ZNF638: variants seen among roughly 807,000 people sequenced by gnomAD.
The protein encoded by ZNF638 is zinc finger protein 638, also known as CTCL tumor antigen se33-1.
Under a neutral mutation model 195.6 loss-of-function variants are expected in ZNF638, and 46 were observed. The ratio of observed to expected loss-of-function variants is 0.24; its 90% CI spans 0.19 to 0.30. The LOEUF is 0.30. Ranked by LOEUF, ZNF638 falls within the 10% of genes least tolerant of loss-of-function variation. ZNF638 has a pLI of 1.00. For missense variants in ZNF638, 2,440 were observed against 2,325.3 expected (o/e 1.05, Z -1.01); for synonymous variants, 845 against 772.0 (o/e 1.09, Z -1.57).
chr2:71,432,765 T>C (rs1055059738), intron 26 of ZNF638, among the ~76,000 whole-genome samples: 4 of 152,266 alleles, frequency 2.6e-5, no homozygotes, highest in African/African-American at 9.6e-5. Flanking sequence ...TATTTAAGTA[T>C]ATACTGTGCT....
At chr2:71,424,596 TTAA>T in intron 22 of ZNF638, 51 bp from the exon 23 acceptor site, 4 of 1,406,658 alleles carry the variant, frequency 2.8e-6, no homozygotes, top group Non-Finnish European at 3.9e-6. Context: ...TTCCAGAACA[TTAA>T]TAATATGGTT....
chr2:71,423,858 C>A lies in ZNF638; in HGVS notation c.4344C>A (p.Gly1448=). ...GLLKPTSARS[G]LAESSSKFKP... is the part of the protein sequence containing the mutation. ...TTAAACCCACAAGTGCCAGGTCAGG[C>A]TTGGCAGAAAGCAGCAGTAAATTCA... is the stretch of plus-strand genomic sequence containing the variant. The change falls in exon 22 of 28, where the codon GGC becomes GGA. Residue 1448 remains glycine, a synonymous_variant. Transcript: ENST00000264447. 1 of 1,614,100 alleles carries A rather than the reference C, an allele frequency of 6.2e-7. No individual in the cohort carries two copies. The highest frequency in any genetic ancestry group is 1.7e-5 in the Admixed American group (1 of 60,020).
chr2:71,332,380 C>T (rs2078587776), intron 1 of ZNF638, among the ~76,000 whole-genome samples: 1 of 152,116 alleles, frequency 6.6e-6, no homozygotes, highest in Admixed American at 6.5e-5. Flanking sequence ...GTGCAAGAAG[C>T]GTGGAGAGAA....
intron 10 of ZNF638, among the ~76,000 whole-genome samples, chr2:71,391,685 C>T (rs1003864228): frequency 1.3e-5 from 2 of 152,188 alleles, no homozygotes; most frequent in African/African-American, 4.8e-5. Flanking sequence ...AACTTACATA[C>T]CTTAAATGAT....
intron 21 of ZNF638, among the ~76,000 whole-genome samples, chr2:71,421,223 A>G (rs936474654): frequency 5.3e-5 from 8 of 152,166 alleles, no homozygotes; most frequent in African/African-American, 1.9e-4. Flanking sequence ...TTTGAGAAGT[A>G]ATATTCATAT....
intron 19 of ZNF638, 126 bp from the exon 20 acceptor site, chr2:71,407,996 C>A: frequency 1.2e-6 from 1 of 831,058 alleles, no homozygotes; most frequent in Non-Finnish European, 1.8e-6. Context: ...TGTACAAATA[C>A]ATGTTTAAGT....
At position 71,349,778 on chromosome 2, in the gene ZNF638, C is replaced by T; in HGVS notation, c.824C>T (p.Pro275Leu). The change falls in exon 2 of 28, where the codon CCC becomes CTC. Residue 275 changes from proline (P) to leucine (L), a missense_variant. Around this residue, in one of 5 missense-constraint regions of ZNF638, gnomAD observed 305 missense variants for 283.6 expected, o/e 1.08. Transcript: ENST00000264447. ...GACGTATTTCGCCAAATGGACTTCC[C>T]CGGTGAGTCCTCCAATAATCGGTCC... ...VEDVFRQMDF[P>L]GESSNNRSFF... 6.2e-7 allele frequency: 1 copy of T among 1,614,132 alleles called. No homozygotes were observed. The highest frequency in any genetic ancestry group is 2.2e-5 in the East Asian group (1 of 44,870).
chr2:71,364,398 C>T (rs968361791), intron 5 of ZNF638, 146 bp downstream of exon 5: 6 of 848,496 alleles, frequency 7.1e-6, no homozygotes, highest in South Asian at 5.8e-5. Flanking sequence ...AGAGTTATTC[C>T]CTCTGGTAAC....
At chr2:71,406,036 T>C in intron 18 of ZNF638, 92 bp from the exon 19 acceptor site, 3 of 1,455,418 alleles carry the variant, frequency 2.1e-6, no homozygotes, top group South Asian at 1.3e-5. Flanking sequence ...GAACATCATC[T>C]GACCTCTGTA....
chr2:71,339,879 A>G (rs919286298), intron 1 of ZNF638, among the ~76,000 whole-genome samples: 1 of 152,186 alleles, frequency 6.6e-6, no homozygotes, highest in African/African-American at 2.4e-5. Flanking sequence ...ACCAGTGCAC[A>G]TCTGCGGGGG....
intron 22 of ZNF638, 49 bp downstream of exon 22, chr2:71,424,087 T>A: frequency 1.3e-6 from 2 of 1,570,650 alleles, no homozygotes; most frequent in Non-Finnish European, 1.7e-6. Context: ...AGTGATTAGC[T>A]CCGCTGCTGT....
rs374327567 is a variant in ZNF638 at position 71,351,879 on chromosome 2, CAG to C, written c.1317+1612_1317+1613del. Among the ~76,000 whole-genome samples, 32 of 152,252 alleles carry C rather than the reference CAG, an allele frequency of 2.1e-4. 1 individual carries two copies. Among genetic ancestry groups the C allele is most frequent in the African/African-American group, 7.5e-4 (31 of 41,554 alleles). ...ACTTGTTTGGATATGCTGTAGGGGACAGAGATTTCTGTCTTGATTTCAGGCAT... is the reference window on the plus strand; with the variant it reads ...ACTTGTTTGGATATGCTGTAGGGGACAGATTTCTGTCTTGATTTCAGGCAT... On this transcript the variant is annotated intron_variant, in intron 2 of 27. Coordinates refer to ENST00000264447, the MANE Select transcript of ZNF638 (RefSeq NM_014497.5).
intron 10 of ZNF638, chr2:71,388,613 G>T (rs746777490): frequency 1.3e-6 from 1 of 798,860 alleles, no homozygotes; most frequent in Admixed American, 1.7e-5. Context: ...TTCATCCGTC[G>T]CTCGGCCAGA....
intron 5 of ZNF638, among the ~76,000 whole-genome samples, chr2:71,364,792 A>C (rs1194514365): frequency 6.6e-6 from 1 of 152,198 alleles, no homozygotes; most frequent in Admixed American, 6.5e-5. Flanking sequence ...AGATACCTTT[A>C]ATTATATAAG....
Position 71,369,911 on chromosome 2 carries a change from C to G in ZNF638, c.2171C>G (p.Ala724Gly), listed in dbSNP as rs759396231. 2 of 1,588,862 alleles carry G rather than the reference C, an allele frequency of 1.3e-6. No homozygotes were observed. Among genetic ancestry groups the G allele is most frequent in the South Asian group, 2.4e-5 (2 of 84,916 alleles). ...EAYLEMEFKE[A>G]ITAIMKYIET... ...TACCTAGAAATGGAATTTAAAGAGG[C>G]AATTACTGCAATTATGAAGTACATT... Residue 724 changes from alanine (A) to glycine (G), a missense_variant, in exon 8 of 28, where the codon GCA becomes GGA. Around this residue, in one of 5 missense-constraint regions of ZNF638, gnomAD observed 1,883 missense variants for 1,739.1 expected, o/e 1.08. Coordinates refer to ENST00000264447, the MANE Select transcript of ZNF638 (RefSeq NM_014497.5).
At chr2:71,417,806 A>C (rs2080334428) in intron 20 of ZNF638, among the ~76,000 whole-genome samples, 1 of 152,176 alleles carries the variant, frequency 6.6e-6, no homozygotes, top group Non-Finnish European at 1.5e-5. Flanking sequence ...CAGATATCCC[A>C]GTAAAGGAAG....
At chr2:71,406,283 T>TAG (rs1450998632) in intron 19 of ZNF638, 21 bp downstream of exon 19, 15 of 1,603,520 alleles carry the variant, frequency 9.4e-6, no homozygotes, top group Non-Finnish European at 1.2e-5. Context: ...CCCTCATAAT[T>TAG]TAGCTATTCA....
At chr2:71,418,519 T>G in intron 20 of ZNF638, 83 bp from the exon 21 acceptor site, 1 of 993,022 alleles carries the variant, frequency 1.0e-6, no homozygotes, top group South Asian at 2.2e-5. Context: ...TGAGCTTAAA[T>G]TTTTACTAAA....
rs374583151 is a variant in ZNF638 at position 71,378,426 on chromosome 2, A to G, written c.2266-1796A>G. Among the ~76,000 whole-genome samples, 31 of 152,310 alleles carry G rather than the reference A, an allele frequency of 2.0e-4. 1 individual carries two copies. The highest frequency in any genetic ancestry group is 7.5e-4 in the African/African-American group (31 of 41,568). Reference sequence around the variant, plus strand: ...CAAAAGGAAATGACAAGAGTGCCCAAAAAGAACAGAAAGTATGAAATTGCA... The same window carrying G: ...CAAAAGGAAATGACAAGAGTGCCCAGAAAGAACAGAAAGTATGAAATTGCA... On this transcript the variant is annotated intron_variant, in intron 8 of 27. Coordinates refer to ENST00000264447, the MANE Select transcript of ZNF638 (RefSeq NM_014497.5).
Sources: gnomAD v4.1 joint callset for allele counts (sites outside exome capture counted in the v4.1 genomes callset) on GRCh38, gnomAD v4.1.1 for gene constraint, gnomAD v4.1.1 regional missense constraint, MANE v1.5 for transcripts, NCBI Gene and HGNC (gene_info 2026-07-23, HGNC 2026-07-21) for gene names.